ZNF385D: variants seen among roughly 807,000 people sequenced by gnomAD.
ZNF385D encodes the protein zinc finger protein 659.
A neutral mutation model predicts 35.8 loss-of-function variants in ZNF385D; 15 were observed. The observed-to-expected ratio is 0.42, with a 90% CI of 0.28 to 0.64. The LOEUF is 0.64. ZNF385D is among the 30% of genes least tolerant of loss of function. ZNF385D has a pLI of 0.23. For missense variants in ZNF385D, 474 were observed against 494.6 expected (o/e 0.96, Z 0.39); for synonymous variants, 212 against 186.8 (o/e 1.13, Z -1.10).
At chr3:22,175,279 A>T (rs1018184148) in intron 2 of ZNF385D, among the ~76,000 whole-genome samples, 4 of 152,202 alleles carry the variant, frequency 2.6e-5, no homozygotes, top group Non-Finnish European at 4.4e-5. Flanking sequence ...AATCACCTTT[A>T]AAAATGGTAA....
intron 3 of ZNF385D, among the ~76,000 whole-genome samples, chr3:21,795,576 G>A (rs1377250767): frequency 2.0e-5 from 3 of 152,218 alleles, no homozygotes; most frequent in African/African-American, 7.2e-5. Context: ...CTTGGCTCCT[G>A]AAACAGGAAA....
chr3:21,721,162 T>A (rs928798094), intron 1 of ZNF385D, among the ~76,000 whole-genome samples: 2 of 152,136 alleles, frequency 1.3e-5, no homozygotes, highest in African/African-American at 4.8e-5. Flanking sequence ...GCCCCCTCCA[T>A]TGCTATACTG....
intron 2 of ZNF385D, among the ~76,000 whole-genome samples, chr3:22,275,379 G>A (rs1232944143): frequency 1.3e-5 from 2 of 152,096 alleles, no homozygotes; most frequent in Non-Finnish European, 2.9e-5. Context: ...GAGAACAGTT[G>A]ATTGCTGTAA....
rs17009043 is a variant in ZNF385D, at chr3:21,564,231, T to A, written c.276+343A>T. 7.9e-3 allele frequency among the ~76,000 whole-genome samples: 1,208 copies of A among 152,246 alleles called. 17 individuals are homozygous for A. Among genetic ancestry groups the A allele is most frequent in the African/African-American group, 0.027 (1,141 of 41,558 alleles). The stretch of plus-strand genomic sequence containing the variant: ...ATTTGGTACCTATCTTATTTCAGAG[T>A]GTAACCTATTAAAAGTTCCATTGGT... On this transcript the variant is annotated intron_variant, in intron 3 of 7. Transcript: ENST00000281523.
intron 4 of ZNF385D, among the ~76,000 whole-genome samples, chr3:21,457,103 C>T (rs1702871958): frequency 6.6e-6 from 1 of 151,918 alleles, no homozygotes; most frequent in African/African-American, 2.4e-5. Context: ...AGAATGGTTA[C>T]CAAAACATAA....
intron 4 of ZNF385D, among the ~76,000 whole-genome samples, chr3:21,467,525 G>A (rs1382164): frequency 1.3e-5 from 2 of 151,926 alleles, no homozygotes; most frequent in Admixed American, 1.3e-4. Flanking sequence ...TCTAACCTGC[G>A]AATAGCAGAA....
At chr3:21,453,313 G>C (rs984373834) in intron 4 of ZNF385D, among the ~76,000 whole-genome samples, 4 of 151,802 alleles carry the variant, frequency 2.6e-5, no homozygotes, top group South Asian at 2.1e-4. Context: ...ATTAGGCAAT[G>C]GTTTCTTAAA....
intron 3 of ZNF385D, among the ~76,000 whole-genome samples, chr3:21,957,783 A>G (rs546031407): frequency 1.6e-4 from 25 of 151,946 alleles, no homozygotes; most frequent in Non-Finnish European, 3.7e-4. Context: ...TGCCTACCCA[A>G]CATTTTGCTT....
chr3:22,280,466 C>T (rs1226735398), intron 2 of ZNF385D, among the ~76,000 whole-genome samples: 2 of 151,782 alleles, frequency 1.3e-5, no homozygotes, highest in Non-Finnish European at 1.5e-5. Context: ...GAAGAGGATC[C>T]AGTTTCATTC....
intron 3 of ZNF385D, among the ~76,000 whole-genome samples, chr3:22,076,642 A>G (rs914659554): frequency 1.7e-4 from 26 of 151,966 alleles, no homozygotes; most frequent in Admixed American, 1.2e-3. Context: ...TGTGGTTCAT[A>G]GTTTTATCCC....
At chr3:22,173,382 C>G (rs1286495208) in intron 2 of ZNF385D, among the ~76,000 whole-genome samples, 1 of 152,032 alleles carries the variant, frequency 6.6e-6, no homozygotes, top group African/African-American at 2.4e-5. Flanking sequence ...CAAAAGATAT[C>G]GACAATAGAG....
intron 3 of ZNF385D, among the ~76,000 whole-genome samples, chr3:22,091,599 A>AAG (rs1701335153): frequency 6.6e-6 from 1 of 151,678 alleles, no homozygotes; most frequent in Admixed American, 6.6e-5. Flanking sequence ...GGAAAAAAAA[A>AAG]GCCCTCTAGG....
chr3:22,254,393 C>A (rs1478228861), intron 2 of ZNF385D, among the ~76,000 whole-genome samples: 1 of 151,776 alleles, frequency 6.6e-6, no homozygotes, highest in Non-Finnish European at 1.5e-5. Flanking sequence ...GTGACAGAAT[C>A]CTGAAGAAAA....
chr3:21,958,046 C>A (rs1702382265), intron 3 of ZNF385D, among the ~76,000 whole-genome samples: 1 of 152,174 alleles, frequency 6.6e-6, no homozygotes, highest in South Asian at 2.1e-4. Context: ...TGCACCCACA[C>A]ATTGCCCTTT....
chr3:21,943,267 T>C (rs1476450749), intron 3 of ZNF385D, among the ~76,000 whole-genome samples: 2 of 151,310 alleles, frequency 1.3e-5, no homozygotes, highest in Admixed American at 1.4e-4. Context: ...ACTGACTCTA[T>C]ATTTGAATGT....
At chr3:22,060,862 C>A (rs1699652628) in intron 3 of ZNF385D, among the ~76,000 whole-genome samples, 1 of 151,968 alleles carries the variant, frequency 6.6e-6, no homozygotes, top group South Asian at 2.1e-4. Flanking sequence ...CTAATTGCTT[C>A]ATTATTCAAT....
intron 3 of ZNF385D, among the ~76,000 whole-genome samples, chr3:22,106,788 G>T (rs963196107): frequency 2.6e-5 from 4 of 152,082 alleles, no homozygotes; most frequent in African/African-American, 9.7e-5. Flanking sequence ...TACCTAATGC[G>T]GAGAAGCCTG....
intron 3 of ZNF385D, among the ~76,000 whole-genome samples, chr3:22,072,109 G>C (rs957749938): frequency 6.6e-6 from 1 of 151,916 alleles, no homozygotes; most frequent in Non-Finnish European, 1.5e-5. Context: ...GATGAAATTA[G>C]GCATTGAAGA....
chr3:21,955,568 G>A (rs561136266), intron 3 of ZNF385D, among the ~76,000 whole-genome samples: 7 of 152,190 alleles, frequency 4.6e-5, no homozygotes, highest in African/African-American at 1.4e-4. Flanking sequence ...TGAAGCCTGG[G>A]TGAGGAAACA....
Sources: allele counts gnomAD v4.1 joint callset (sites outside exome capture counted in the v4.1 genomes callset), GRCh38; gene constraint gnomAD v4.1.1; transcripts MANE v1.5; gene names NCBI Gene and HGNC (gene_info 2026-07-23, HGNC 2026-07-21).